The following BIK variants were observed in gnomAD, a reference collection of about 807,000 sequenced individuals.
BIK encodes the protein BCL2 interacting killer, also known as bcl-2-interacting killer.
In BIK, 14 loss-of-function variants were observed where a neutral mutation model predicts 12.1. That is an observed-to-expected ratio of 1.16 (90% CI 0.77 to 1.81). The LOEUF (loss-of-function observed/expected upper bound fraction) is 1.81, where lower values mean the gene tolerates loss of function less well. Among genes scored for constraint, BIK ranks in the 40% most tolerant of loss-of-function variants. The pLI is 0.00. For missense variants in BIK, 215 were observed against 207.9 expected (o/e 1.03, Z -0.21); for synonymous variants, 86 against 92.3 (o/e 0.93, Z 0.39).
chr22:43,114,133 A>C (rs1018471878), intron 1 of BIK, among the ~76,000 whole-genome samples: 2 of 152,114 alleles, frequency 1.3e-5, no homozygotes, highest in Admixed American at 6.6e-5. Flanking sequence ...ACAATACAAA[A>C]CACCACTGGG....
intron 1 of BIK, among the ~76,000 whole-genome samples, chr22:43,116,540 C>T (rs1397963431): frequency 1.3e-5 from 2 of 151,932 alleles, no homozygotes; most frequent in Non-Finnish European, 2.9e-5. Flanking sequence ...CTCACTACAA[C>T]CTCTGCCTCC....
intron 1 of BIK, among the ~76,000 whole-genome samples, chr22:43,117,511 G>A (rs1601729000): frequency 1.3e-5 from 2 of 150,756 alleles, no homozygotes; most frequent in East Asian, 1.9e-4. Context: ...TGGGACTACA[G>A]GCGCCCGCCA....
At position 43,124,139 on chromosome 22, in the gene BIK, G is replaced by GT. The variant is rs1280697703; in HGVS notation, c.117_118insT (p.Asp40Ter). 1 of 1,614,154 alleles carries GT rather than the reference G, an allele frequency of 6.2e-7. No homozygotes were observed. Among genetic ancestry groups the GT allele is most frequent in the East Asian group, 2.2e-5 (1 of 44,882 alleles). On this transcript the variant is annotated frameshift_variant, in exon 2 of 5. Coordinates refer to ENST00000216115, the MANE Select transcript of BIK (RefSeq NM_001197.5). LOFTEE classifies it high-confidence loss of function. ...GCATGACTGACTCTGAAGAGGACCT[G>GT]GACCCTATGGAGGACTTCGATTCTT... is the stretch of plus-strand genomic sequence containing the variant.
At chr22:43,115,654 G>A (rs1930097337) in intron 1 of BIK, among the ~76,000 whole-genome samples, 1 of 150,912 alleles carries the variant, frequency 6.6e-6, no homozygotes, top group African/African-American at 2.4e-5. Flanking sequence ...GTAGAGATGA[G>A]GTTTCGCCAT....
intron 1 of BIK, among the ~76,000 whole-genome samples, chr22:43,119,008 G>A (rs1030068773): frequency 6.6e-6 from 1 of 151,950 alleles, no homozygotes; most frequent in Non-Finnish European, 1.5e-5. Context: ...GCTGTCGAGT[G>A]CAGAGCTGTT....
chr22:43,128,251 C>T (rs190080903), intron 3 of BIK, among the ~76,000 whole-genome samples: 3 of 152,234 alleles, frequency 2.0e-5, no homozygotes, highest in Admixed American at 2.0e-4. Flanking sequence ...GGGCCAAACA[C>T]CCGGTGGGCT....
chr22:43,125,785 G>T (rs1014238331), intron 2 of BIK, among the ~76,000 whole-genome samples: 10 of 152,188 alleles, frequency 6.6e-5, no homozygotes, highest in East Asian at 1.9e-4. Context: ...CTATGGAAGA[G>T]CCTGAGGAGG....
chr22:43,116,993 A>G (rs1930127619), intron 1 of BIK, among the ~76,000 whole-genome samples: 1 of 152,184 alleles, frequency 6.6e-6, no homozygotes, highest in Non-Finnish European at 1.5e-5. Flanking sequence ...GGGGAGCTGC[A>G]GCTCAGGGTG....
intron 2 of BIK, 125 bp downstream of exon 2, chr22:43,124,308 A>G (rs937572444): frequency 1.7e-6 from 2 of 1,200,604 alleles, no homozygotes; most frequent in African/African-American, 3.1e-5. Context: ...TCCGAGAGGA[A>G]GATTTCCCGG....
chr22:43,119,092 G>A lies in BIK; in HGVS notation c.-7-4924G>A, dbSNP rs142728626. On this transcript the variant is annotated intron_variant, in intron 1 of 4. Transcript: ENST00000216115. ...GAGCCCTGCAGGTGCCCTCAAGGCC[G>A]TGGGTGTGGTACTCTTTTCTGCACA... 3.6e-3 allele frequency among the ~76,000 whole-genome samples: 544 copies of A among 151,604 alleles called. 2 individuals are homozygous for A. Among genetic ancestry groups the A allele is most frequent in the African/African-American group, 0.013 (527 of 41,350 alleles).
intron 1 of BIK, among the ~76,000 whole-genome samples, chr22:43,114,597 G>C (rs1483165898): frequency 6.6e-6 from 1 of 152,208 alleles, no homozygotes; most frequent in Non-Finnish European, 1.5e-5. Flanking sequence ...CACCGTGCCT[G>C]GCCAAGAGAT....
intron 1 of BIK, among the ~76,000 whole-genome samples, chr22:43,115,092 G>T (rs1930085271): frequency 6.6e-6 from 1 of 152,222 alleles, no homozygotes; most frequent in South Asian, 2.1e-4. Flanking sequence ...TTCCCGACTG[G>T]CTGGGGCAGA....
chr22:43,120,665 C>T (rs1322825264), intron 1 of BIK, among the ~76,000 whole-genome samples: 4 of 152,146 alleles, frequency 2.6e-5, no homozygotes, highest in Non-Finnish European at 5.9e-5. Flanking sequence ...CCAGGAGAGA[C>T]CAGAGCAGGA....
At chr22:43,112,789 T>G (rs1930036621) in intron 1 of BIK, among the ~76,000 whole-genome samples, 1 of 152,058 alleles carries the variant, frequency 6.6e-6, no homozygotes, top group Admixed American at 6.6e-5. Context: ...CCTCTGGTCC[T>G]AGCTACGCAG....
At chr22:43,115,753 G>A (rs1403266691) in intron 1 of BIK, among the ~76,000 whole-genome samples, 2 of 152,010 alleles carry the variant, frequency 1.3e-5, no homozygotes, top group African/African-American at 2.4e-5. Flanking sequence ...GTGAGCCACC[G>A]CGTCTGGCCT....
intron 3 of BIK, 59 bp from the exon 4 acceptor site, chr22:43,128,437 G>C (rs1930365236): frequency 1.8e-5 from 29 of 1,578,888 alleles, no homozygotes; most frequent in Non-Finnish European, 5.2e-6. Context: ...TCTAAGTACA[G>C]GCTGCCCCTA....
intron 2 of BIK, among the ~76,000 whole-genome samples, chr22:43,126,714 C>G (rs916826682): frequency 6.6e-6 from 1 of 152,008 alleles, no homozygotes; most frequent in South Asian, 2.1e-4. Context: ...TTTTTTCAGC[C>G]TCAGGATTTT....
intron 2 of BIK, 40 bp downstream of exon 2, chr22:43,124,223 G>A: frequency 6.2e-7 from 1 of 1,602,170 alleles, no homozygotes; most frequent in Non-Finnish European, 8.5e-7. Context: ...GCCTGATAGT[G>A]ACTTCAGGGG....
intron 1 of BIK, among the ~76,000 whole-genome samples, chr22:43,112,352 G>A (rs1054585420): frequency 1.3e-5 from 2 of 151,528 alleles, no homozygotes; most frequent in South Asian, 2.1e-4. Flanking sequence ...CGCCTACCAC[G>A]AGGCCCAGCT....
Sources: gnomAD v4.1 joint callset for allele counts (sites outside exome capture counted in the v4.1 genomes callset) on GRCh38, gnomAD v4.1.1 for gene constraint, MANE v1.5 for transcripts, NCBI Gene and HGNC (gene_info 2026-07-23, HGNC 2026-07-21) for gene names.